Variants in AKR1D1 observed in about 807,000 individuals in gnomAD.
The protein encoded by AKR1D1 is delta(4)-3-ketosteroid 5-beta-reductase.
Under a neutral mutation model 42.6 loss-of-function variants are expected in AKR1D1, and 32 were observed. The ratio of observed to expected loss-of-function variants is 0.75; its 90% confidence interval spans 0.57 to 1.01. The LOEUF (loss-of-function observed/expected upper bound fraction) is 1.01. Ranked by LOEUF, AKR1D1 falls within the 50% of genes least tolerant of loss-of-function variation. The pLI, the probability that AKR1D1 is intolerant of heterozygous loss-of-function variation, is 0.00. For missense variants in AKR1D1, 364 were observed against 402.2 expected, an observed-to-expected ratio of 0.91 and a Z score of 0.81; for synonymous variants, 123 against 135.5, an observed-to-expected ratio of 0.91 and a Z score of 0.64.
At chr7:138,101,185 C>G in intron 4 of AKR1D1, among the ~76,000 whole-genome samples, 1 of 23,072 alleles carries the variant, frequency 4.3e-5, no homozygotes, top group Non-Finnish European at 8.5e-5. Flanking sequence ...CCCTCCCTCC[C>G]TCCCTCCCTT....
chr7:138,096,721 T>C (rs1023638962), intron 3 of AKR1D1, among the ~76,000 whole-genome samples: 1 of 152,222 alleles, frequency 6.6e-6, no homozygotes, highest in African/African-American at 2.4e-5. Flanking sequence ...TTTCTTCTCA[T>C]GGTGTTCGTG....
chr7:138,083,177 C>T (rs895194752), intron 1 of AKR1D1, among the ~76,000 whole-genome samples: 2 of 152,168 alleles, frequency 1.3e-5, no homozygotes, highest in Non-Finnish European at 2.9e-5. Flanking sequence ...TACAAGAGTT[C>T]TAATTTCTCT....
Position 138,107,516 on chromosome 7 carries a change from T to A in AKR1D1, c.791T>A (p.Ile264Asn). The A allele has an allele frequency of 6.2e-7, 1 of 1,614,190 alleles. No individual in the cohort carries two copies. Among genetic ancestry groups the A allele is most frequent in the Non-Finnish European group, 8.5e-7 (1 of 1,180,020 alleles). ...GCTCAAATTGTTTTGCGTTTCAACA[T>A]CCAGCGAGGGGTGGTTGTCATTCCT... The part of the protein sequence containing the change: ...TAAQIVLRFN[I>N]QRGVVVIPKS... Residue 264 changes from isoleucine to asparagine, a missense_variant, in exon 7 of 9, where the codon ATC (isoleucine) becomes AAC (asparagine). Transcript: ENST00000242375.
chr7:138,103,541 G>A (rs1794357931), intron 4 of AKR1D1, among the ~76,000 whole-genome samples: 1 of 151,986 alleles, frequency 6.6e-6, no homozygotes, highest in Non-Finnish European at 1.5e-5. Context: ...TGCAATAAAT[G>A]TAGATAAAAT....
intron 2 of AKR1D1, chr7:138,091,352 C>T (rs568683717): frequency 2.3e-5 from 6 of 257,274 alleles, no homozygotes; most frequent in South Asian, 2.3e-4. Context: ...AAGAGGACGG[C>T]TTTCCCTGAT....
chr7:138,105,982 A>C (rs1014466030), intron 5 of AKR1D1, among the ~76,000 whole-genome samples: 1 of 152,224 alleles, frequency 6.6e-6, no homozygotes, highest in Non-Finnish European at 1.5e-5. Flanking sequence ...AAAAGGAATG[A>C]ACAGAAATTC....
At chr7:138,098,144 G>A in intron 4 of AKR1D1, 10 of 516,550 alleles carry the variant, frequency 1.9e-5, no homozygotes, top group Admixed American at 6.8e-5. Context: ...TTGTTTTGCT[G>A]GAATGCCAAA....
chr7:138,079,588 T>C (rs1401685602), intron 1 of AKR1D1, among the ~76,000 whole-genome samples: 1 of 152,232 alleles, frequency 6.6e-6, no homozygotes. Context: ...TCTAACACTT[T>C]TTGGAGAATG....
Position 138,081,506 on chromosome 7 carries a change from CTTTTTTTTTTTTTTT to C in AKR1D1, c.93+4917_93+4931del, listed in dbSNP as rs61466734. ...TCCAAAATATAAAAGGAACTCCTAC[CTTTTTTTTTTTTTTT>C]TTTTTTTTTTTTTTTTTTTTTGAGA... On this transcript the variant is annotated intron_variant, in intron 1 of 8. Transcript: ENST00000242375. 2.0e-3 allele frequency among the ~76,000 whole-genome samples: 94 copies of C among 47,688 alleles called. 2 individuals are homozygous for C. The highest frequency in any genetic ancestry group is 7.9e-3 in the African/African-American group (79 of 9,978). The allele number at this position is 47,688 out of a possible 152,430, so 31.3% of individuals were successfully genotyped here.
intron 4 of AKR1D1, among the ~76,000 whole-genome samples, chr7:138,100,747 C>T (rs1220748939): frequency 1.4e-5 from 2 of 147,292 alleles, no homozygotes; most frequent in Admixed American, 6.8e-5. Context: ...CTCTGCCGCC[C>T]AGGCTGGAGT....
intron 4 of AKR1D1, among the ~76,000 whole-genome samples, chr7:138,102,659 G>A (rs1246096135): frequency 6.6e-6 from 1 of 152,130 alleles, no homozygotes; most frequent in East Asian, 1.9e-4. Context: ...GCATAAAGAG[G>A]AACATATAGA....
chr7:138,094,581 G>A (rs998385022), intron 3 of AKR1D1, among the ~76,000 whole-genome samples: 3 of 152,150 alleles, frequency 2.0e-5, no homozygotes, highest in African/African-American at 4.8e-5. Context: ...CTGCAGTGGT[G>A]TGTGGCTCAC....
chr7:138,090,920 A>C (rs535316732), intron 2 of AKR1D1, among the ~76,000 whole-genome samples: 1 of 152,288 alleles, frequency 6.6e-6, no homozygotes, highest in Admixed American at 6.5e-5. Flanking sequence ...AGCAAATCTA[A>C]ATCTATGCAC....
intron 7 of AKR1D1, among the ~76,000 whole-genome samples, chr7:138,109,223 T>C (rs1461480301): frequency 6.6e-6 from 1 of 152,210 alleles, no homozygotes; most frequent in Non-Finnish European, 1.5e-5. Context: ...TGCTACATGA[T>C]AGAATGCAAC....
chr7:138,090,799 C>G (rs1352532550), intron 2 of AKR1D1, among the ~76,000 whole-genome samples: 3 of 152,146 alleles, frequency 2.0e-5, no homozygotes, highest in Non-Finnish European at 1.5e-5. Flanking sequence ...TACACATGCT[C>G]CAGTAGGATC....
At chr7:138,095,844 A>G (rs919767478) in intron 3 of AKR1D1, among the ~76,000 whole-genome samples, 1 of 151,846 alleles carries the variant, frequency 6.6e-6, no homozygotes, top group Admixed American at 6.6e-5. Flanking sequence ...AACAAATTTA[A>G]GAGCATAATG....
At chr7:138,112,143 TC>T (rs1794548364) in intron 7 of AKR1D1, among the ~76,000 whole-genome samples, 1 of 152,198 alleles carries the variant, frequency 6.6e-6, no homozygotes, top group African/African-American at 2.4e-5. Flanking sequence ...GTTTGCAACC[TC>T]ACTTTGCCAT....
intron 4 of AKR1D1, among the ~76,000 whole-genome samples, chr7:138,105,069 A>G (rs929009936): frequency 6.6e-6 from 1 of 152,144 alleles, no homozygotes; most frequent in Admixed American, 6.5e-5. Flanking sequence ...TGGGATCACT[A>G]AAGTGTGGTA....
intron 1 of AKR1D1, among the ~76,000 whole-genome samples, chr7:138,085,936 G>T (rs1026405786): frequency 6.6e-6 from 1 of 151,714 alleles, no homozygotes; most frequent in African/African-American, 2.4e-5. Flanking sequence ...TTACCATCTA[G>T]TATTAAGCTT....
Sources: gnomAD v4.1 joint callset for allele counts (sites outside exome capture counted in the v4.1 genomes callset) on GRCh38, gnomAD v4.1.1 for gene constraint, MANE v1.5 for transcripts, NCBI Gene and HGNC (gene_info 2026-07-23, HGNC 2026-07-21) for gene names.